NEGR1: variants seen among roughly 807,000 people sequenced by gnomAD.
NEGR1 encodes the protein IgLON family member 4.
NEGR1 carries 10 observed loss-of-function variants against 40.9 expected under a neutral mutation model. The ratio of observed to expected loss-of-function variants is 0.24; its 90% CI spans 0.15 to 0.42. The LOEUF (loss-of-function observed/expected upper bound fraction) is 0.42, where lower values mean the gene tolerates loss of function less well. Ranked by LOEUF, NEGR1 falls within the 10% of genes least tolerant of loss-of-function variation. The pLI, the probability that NEGR1 is intolerant of heterozygous loss-of-function variation, is 1.00. For synonymous variants in NEGR1, 185 were observed against 166.8 expected (o/e 1.11, Z -0.84); for missense variants, 352 against 438.9 (o/e 0.80, Z 1.77).
At chr1:72,226,241 T>C (rs1182482588) in intron 1 of NEGR1, among the ~76,000 whole-genome samples, 1 of 151,956 alleles carries the variant, frequency 6.6e-6, no homozygotes, top group Admixed American at 6.6e-5. Context: ...AGGGAAGTCA[T>C]AATCATATTA....
intron 6 of NEGR1, among the ~76,000 whole-genome samples, chr1:71,555,546 T>A (rs1334789671): frequency 6.6e-6 from 1 of 151,608 alleles, no homozygotes; most frequent in East Asian, 2.0e-4. Flanking sequence ...AACTTACTAC[T>A]CTAAAAAGTT....
rs899086863 is a variant in NEGR1 at position 71,566,724 on chromosome 1, G to T, written c.940+26093C>A. On this transcript the variant is annotated intron_variant, in intron 6 of 6. Coordinates refer to ENST00000357731, the MANE Select transcript of NEGR1 (RefSeq NM_173808.3). ...TCATGTCATTATAGATAATACATGA[G>T]CAAAAAATAACAGTGTATTTGGGCT... Among the ~76,000 whole-genome samples the T allele has an allele frequency of 1.1e-4, 16 of 152,206 alleles. No individual in the cohort carries two copies. In the East Asian group the frequency reaches 1.4e-3, roughly 13 times the overall value.
At chr1:71,479,632 C>T (rs56028840) in intron 6 of NEGR1, among the ~76,000 whole-genome samples, 29,165 of 151,816 alleles carry the variant, frequency 0.19, 3,705 homozygotes, top group East Asian at 0.48. Context: ...GAAAACTTTG[C>T]TTCTGGGAAA....
chr1:72,138,661 G>T (rs1386182889), intron 1 of NEGR1, among the ~76,000 whole-genome samples: 1 of 151,932 alleles, frequency 6.6e-6, no homozygotes, highest in East Asian at 1.9e-4. Flanking sequence ...GGCCAATTAA[G>T]ATTACACAGC....
At chr1:71,887,727 C>T (rs1013707295) in intron 2 of NEGR1, among the ~76,000 whole-genome samples, 2 of 152,076 alleles carry the variant, frequency 1.3e-5, no homozygotes, top group Admixed American at 6.5e-5. Context: ...GTATAGGACA[C>T]TGGAACTTAT....
intron 5 of NEGR1, among the ~76,000 whole-genome samples, chr1:71,603,454 C>T (rs1020687689): frequency 2.6e-5 from 4 of 152,156 alleles, no homozygotes; most frequent in African/African-American, 4.8e-5. Context: ...TGCTTTCCTT[C>T]AAGTCATTTC....
chr1:71,769,590 T>C (rs980867073), intron 3 of NEGR1, among the ~76,000 whole-genome samples: 5 of 152,080 alleles, frequency 3.3e-5, no homozygotes, highest in African/African-American at 1.2e-4. Context: ...TAGGGGGTTT[T>C]CCCCCATTTT....
At chr1:71,742,232 A>G (rs2101677403) in intron 3 of NEGR1, among the ~76,000 whole-genome samples, 1 of 152,308 alleles carries the variant, frequency 6.6e-6, no homozygotes, top group South Asian at 2.1e-4. Flanking sequence ...CTAAGGATCA[A>G]TAGGCCAGAT....
chr1:72,233,411 G>A (rs887961878), intron 1 of NEGR1, among the ~76,000 whole-genome samples: 3 of 152,074 alleles, frequency 2.0e-5, no homozygotes, highest in African/African-American at 4.8e-5. Context: ...AGTGAGCATA[G>A]TACACAATAG....
At position 71,671,893 on chromosome 1, in the gene NEGR1, CTTTTTTT is replaced by C. The variant is rs10708807; in HGVS notation, c.667+26108_667+26114del. On this transcript the variant is annotated intron_variant, in intron 4 of 6. Transcript: ENST00000357731. ...TATTTTATTTCTGTTCTCTCTCTCT[CTTTTTTT>C]TTTTTTTTTTTGTTTTAAGAGACAG... Among the ~76,000 whole-genome samples, 9 of 121,588 alleles carry C rather than the reference CTTTTTTT, an allele frequency of 7.4e-5. 1 individual carries two copies. The East Asian group carries it at 1.7e-3, about 23-fold the overall frequency. 79.8% of individuals were successfully genotyped at this position (121,588 alleles called of 152,430 possible). A position where few individuals can be genotyped will look rare whatever the true frequency, so the allele number is the denominator to read the frequency against.
chr1:71,874,580 G>A (rs1660371292), intron 2 of NEGR1, among the ~76,000 whole-genome samples: 1 of 152,024 alleles, frequency 6.6e-6, no homozygotes, highest in African/African-American at 2.4e-5. Flanking sequence ...ATTAATGCCT[G>A]CTTTTTAAAT....
At chr1:71,591,191 G>C (rs886809126) in intron 6 of NEGR1, among the ~76,000 whole-genome samples, 1 of 151,986 alleles carries the variant, frequency 6.6e-6, no homozygotes, top group African/African-American at 2.4e-5. Flanking sequence ...CAAATTGTAT[G>C]TACTTAATAG....
chr1:71,574,200 C>T (rs1303554913), intron 6 of NEGR1, among the ~76,000 whole-genome samples: 1 of 152,188 alleles, frequency 6.6e-6, no homozygotes, highest in Non-Finnish European at 1.5e-5. Context: ...TACACACATC[C>T]ATAATGGCCA....
intron 1 of NEGR1, among the ~76,000 whole-genome samples, chr1:72,235,057 A>T (rs904812596): frequency 2.0e-5 from 3 of 152,182 alleles, no homozygotes; most frequent in Non-Finnish European, 4.4e-5. Context: ...TATGTTATAT[A>T]TACACCATGG....
chr1:72,088,058 T>C (rs1648294580), intron 1 of NEGR1, among the ~76,000 whole-genome samples: 1 of 152,178 alleles, frequency 6.6e-6, no homozygotes. Flanking sequence ...TTTTGGACAA[T>C]CTTTTCACTA....
intron 1 of NEGR1, among the ~76,000 whole-genome samples, chr1:72,154,008 TA>T (rs951789730): frequency 6.6e-6 from 1 of 151,714 alleles, no homozygotes. Flanking sequence ...TGTCATCTTA[TA>T]AAAAAATTGA....
chr1:71,788,887 TAA>T (rs1657008767), intron 2 of NEGR1, among the ~76,000 whole-genome samples: 2 of 152,090 alleles, frequency 1.3e-5, no homozygotes, highest in South Asian at 2.1e-4. Context: ...TAACATGTAA[TAA>T]AAGAGTTGTT....
At chr1:72,256,621 AAGG>A (rs774110801) in intron 1 of NEGR1, among the ~76,000 whole-genome samples, 59 of 152,170 alleles carry the variant, frequency 3.9e-4, no homozygotes, top group Admixed American at 1.8e-3. Context: ...CAGTTCAGAG[AAGG>A]AGAAGAAAAT....
chr1:72,260,202 C>G (rs1323384438), intron 1 of NEGR1, among the ~76,000 whole-genome samples: 1 of 151,994 alleles, frequency 6.6e-6, no homozygotes, highest in Non-Finnish European at 1.5e-5. Flanking sequence ...ATTACTCTGA[C>G]TTTGAAATCT....
Sources: gnomAD v4.1 joint callset for allele counts (sites outside exome capture counted in the v4.1 genomes callset) on GRCh38, gnomAD v4.1.1 for gene constraint, MANE v1.5 for transcripts, NCBI Gene and HGNC (gene_info 2026-07-23, HGNC 2026-07-21) for gene names.